PRKD1: variants seen among roughly 807,000 people sequenced by gnomAD.
PRKD1 encodes serine/threonine-protein kinase D1.
Under a neutral mutation model 95.9 loss-of-function variants are expected in PRKD1, and 63 were observed. The ratio of observed to expected loss-of-function variants is 0.66; its 90% confidence interval spans 0.54 to 0.81. PRKD1 has a LOEUF of 0.81. PRKD1 is among the 30% of genes least tolerant of loss of function. The pLI, the probability that PRKD1 is intolerant of heterozygous loss-of-function variation, is 0.00. For synonymous variants in PRKD1, 425 were observed against 423.1 expected (o/e 1.00, Z -0.05); for missense variants, 1,048 against 1,165.3 (o/e 0.90, Z 1.47).
intron 4 of PRKD1, among the ~76,000 whole-genome samples, chr14:29,648,314 G>A (rs1295002708): frequency 7.1e-6 from 1 of 141,010 alleles, no homozygotes; most frequent in South Asian, 2.2e-4. Context: ...TTTTTTTTGA[G>A]TGGCTACACA....
chr14:29,746,443 T>C (rs1244753864), intron 1 of PRKD1, among the ~76,000 whole-genome samples: 3 of 152,074 alleles, frequency 2.0e-5, no homozygotes, highest in Non-Finnish European at 4.4e-5. Context: ...TTCTTCCACA[T>C]AAAAGTCCAC....
intron 2 of PRKD1, among the ~76,000 whole-genome samples, chr14:29,704,990 T>C (rs1885010498): frequency 6.6e-6 from 1 of 152,086 alleles, no homozygotes; most frequent in Admixed American, 6.6e-5. Context: ...TACCACTGCA[T>C]AAAATGCCAC....
At chr14:29,840,205 T>C (rs1350696111) in intron 1 of PRKD1, among the ~76,000 whole-genome samples, 2 of 152,166 alleles carry the variant, frequency 1.3e-5, no homozygotes, top group Non-Finnish European at 2.9e-5. Flanking sequence ...AAATTTCTTC[T>C]GCCAGATACC....
chr14:29,756,065 A>C (rs1887682902), intron 1 of PRKD1, among the ~76,000 whole-genome samples: 1 of 152,152 alleles, frequency 6.6e-6, no homozygotes, highest in African/African-American at 2.4e-5. Context: ...ATATATAGTC[A>C]TATCTATATC....
Position 29,927,525 on chromosome 14 carries a change from C to T in PRKD1, c.-13G>A, listed in dbSNP as rs1895354800. 1.5e-5 allele frequency: 17 copies of T among 1,165,510 alleles called. No homozygotes were observed. In the East Asian group the frequency reaches 6.8e-4, roughly 47 times the overall value. 72.2% of individuals were successfully genotyped at this position (1,165,510 alleles called of 1,614,324 possible). A position where few individuals can be genotyped will look rare whatever the true frequency, so the allele number is the denominator to read the frequency against. ...GAGGGGCGCTCATCGCTCGGCGGGG[C>T]GCAGGGCCGGGCAGCGGAGGGCGGG... On this transcript the variant is annotated 5_prime_UTR_variant, in exon 1 of 18. Coordinates refer to ENST00000331968, the MANE Select transcript of PRKD1 (RefSeq NM_002742.3).
chr14:29,665,332 G>T (rs183027007), intron 3 of PRKD1, among the ~76,000 whole-genome samples: 1 of 152,084 alleles, frequency 6.6e-6, no homozygotes, highest in African/African-American at 2.4e-5. Context: ...CACCCAAATG[G>T]TTTATGTTCA....
chr14:29,741,353 C>T (rs921288822), intron 1 of PRKD1, among the ~76,000 whole-genome samples: 60 of 152,142 alleles, frequency 3.9e-4, no homozygotes, highest in African/African-American at 1.3e-3. Context: ...ATATTTTACA[C>T]GTTTAGGTAT....
At chr14:29,617,378 A>G (rs532754538) in intron 13 of PRKD1, among the ~76,000 whole-genome samples, 2 of 152,342 alleles carry the variant, frequency 1.3e-5, no homozygotes, top group East Asian at 3.9e-4. Context: ...TTAAATGAAG[A>G]CAGACTTGGA....
At chr14:29,879,122 C>T (rs769731608) in intron 1 of PRKD1, among the ~76,000 whole-genome samples, 12 of 152,180 alleles carry the variant, frequency 7.9e-5, no homozygotes, top group African/African-American at 1.2e-4. Flanking sequence ...TTCACCTGCT[C>T]TCCACCAAGG....
intron 1 of PRKD1, among the ~76,000 whole-genome samples, chr14:29,910,619 A>C: frequency 6.6e-6 from 1 of 152,220 alleles, no homozygotes; most frequent in East Asian, 1.9e-4. Context: ...TGTAGATAAA[A>C]AAGAGATTTG....
intron 13 of PRKD1, among the ~76,000 whole-genome samples, chr14:29,619,368 T>C (rs1323863831): frequency 6.6e-6 from 1 of 152,204 alleles, no homozygotes; most frequent in African/African-American, 2.4e-5. Context: ...CCTGGTTGGA[T>C]ACTATGGATG....
intron 2 of PRKD1, among the ~76,000 whole-genome samples, chr14:29,690,322 G>A (rs1013122892): frequency 1.3e-5 from 2 of 152,058 alleles, no homozygotes; most frequent in Admixed American, 1.3e-4. Flanking sequence ...TTTCACAAGA[G>A]CCTTCAATGG....
At chr14:29,880,575 C>T (rs1893471308) in intron 1 of PRKD1, among the ~76,000 whole-genome samples, 3 of 152,176 alleles carry the variant, frequency 2.0e-5, no homozygotes, top group East Asian at 3.9e-4. Flanking sequence ...ACTGGGGGAC[C>T]ACCGAGTAGA....
At chr14:29,912,442 G>A (rs1224542446) in intron 1 of PRKD1, among the ~76,000 whole-genome samples, 4 of 152,092 alleles carry the variant, frequency 2.6e-5, no homozygotes, top group African/African-American at 4.8e-5. Flanking sequence ...TTCAGAGCCA[G>A]AATATTCAAC....
At chr14:29,662,575 C>T (rs1253757684) in intron 4 of PRKD1, among the ~76,000 whole-genome samples, 1 of 151,976 alleles carries the variant, frequency 6.6e-6, no homozygotes, top group African/African-American at 2.4e-5. Flanking sequence ...AAAAGAGAGC[C>T]TTATAAAAGA....
At chr14:29,904,642 G>A (rs1894433502) in intron 1 of PRKD1, among the ~76,000 whole-genome samples, 1 of 152,132 alleles carries the variant, frequency 6.6e-6, no homozygotes, top group Non-Finnish European at 1.5e-5. Context: ...TGACCTATGA[G>A]AAGTGGATTC....
chr14:29,902,308 C>T (rs545819951), intron 1 of PRKD1, among the ~76,000 whole-genome samples: 6 of 151,244 alleles, frequency 4.0e-5, no homozygotes, highest in Non-Finnish European at 8.8e-5. Context: ...TGGTCAAAAT[C>T]TCTGATTCAA....
At position 29,683,220 on chromosome 14, in the gene PRKD1, A is replaced by G. The variant is rs375905129; in HGVS notation, c.404-17012T>C. Among the ~76,000 whole-genome samples, 171 of 152,274 alleles carry G rather than the reference A, an allele frequency of 1.1e-3. 1 individual carries two copies. Among genetic ancestry groups the G allele is most frequent in the African/African-American group, 3.9e-3 (162 of 41,554 alleles). On this transcript the variant is annotated intron_variant, in intron 2 of 17. Transcript: ENST00000331968. The stretch of plus-strand genomic sequence containing the variant: ...TATGGGGCTGTAGCAATAGAAACAG[A>G]GAAGAGAAAACTAAATGCAAGCTAT...
chr14:29,761,432 A>G (rs1953722), intron 1 of PRKD1, among the ~76,000 whole-genome samples: 48,019 of 152,004 alleles, frequency 0.32, 7,998 homozygotes, highest in African/African-American at 0.41. Flanking sequence ...GAGACTGTTA[A>G]ATTACTAATA....
Sources: allele counts gnomAD v4.1 joint callset (sites outside exome capture counted in the v4.1 genomes callset), GRCh38; gene constraint gnomAD v4.1.1; transcripts MANE v1.5; gene names NCBI Gene and HGNC (gene_info 2026-07-23, HGNC 2026-07-21).